Variants in LHX4 observed in about 807,000 individuals in gnomAD.
LHX4 encodes the protein LIM/homeobox protein Lhx4.
Under a neutral mutation model 39.2 loss-of-function variants are expected in LHX4, and 16 were observed. The observed-to-expected ratio is 0.41, with a 90% CI of 0.28 to 0.62. The LOEUF is 0.62. Among genes scored for constraint, LHX4 ranks in the 20% least tolerant of loss-of-function variants. The pLI is 0.33. For missense variants in LHX4, 439 were observed against 511.9 expected (o/e 0.86, Z 1.37); for synonymous variants, 206 against 198.1 (o/e 1.04, Z -0.33).
chr1:180,251,596 G>A (rs1647629985), intron 2 of LHX4, among the ~76,000 whole-genome samples: 1 of 152,214 alleles, frequency 6.6e-6, no homozygotes, highest in Admixed American at 6.5e-5. Flanking sequence ...ATAGGCCACT[G>A]CTGGGTTTGA....
chr1:180,244,721 G>A (rs1205292420), intron 1 of LHX4, among the ~76,000 whole-genome samples: 2 of 152,206 alleles, frequency 1.3e-5, no homozygotes, highest in Non-Finnish European at 2.9e-5. Context: ...TTGCCCAGGA[G>A]CCAAGGGAGG....
chr1:180,236,611 T>G (rs762200671), intron 1 of LHX4, among the ~76,000 whole-genome samples: 1 of 152,144 alleles, frequency 6.6e-6, no homozygotes, highest in Non-Finnish European at 1.5e-5. Context: ...ACGGGAATGG[T>G]GGGTATTTAG....
rs1647470972 is a variant in LHX4, at chr1:180,248,416, T to C, written c.208T>C (p.Ser70Pro). Residue 70 changes from serine (S) to proline (P), a missense_variant, in exon 2 of 6, where the codon TCC (serine) becomes CCC (proline). By Grantham distance (74) the Ser-to-Pro change is moderately conservative. Coordinates refer to ENST00000263726, the MANE Select transcript of LHX4 (RefSeq NM_033343.4). ...CQMQLADRCF[S>P]RAGSVYCKED... is the part of the protein sequence containing the mutation. Reference sequence around the variant, plus strand: ...GATGCAGCTGGCGGACAGGTGCTTCTCCAGGGCTGGGAGCGTCTACTGCAA... The same window carrying C: ...GATGCAGCTGGCGGACAGGTGCTTCCCCAGGGCTGGGAGCGTCTACTGCAA... The C allele has an allele frequency of 1.2e-6, 2 of 1,614,104 alleles. No individual in the cohort carries two copies. Among genetic ancestry groups the C allele is most frequent in the Non-Finnish European group, 1.7e-6 (2 of 1,180,052 alleles).
intron 2 of LHX4, among the ~76,000 whole-genome samples, chr1:180,254,092 T>C (rs886504607): frequency 2.2e-4 from 33 of 152,332 alleles, no homozygotes; most frequent in Middle Eastern, 3.4e-3. Flanking sequence ...CAATCCAGGC[T>C]TGTGGGGGCT....
chr1:180,248,567 G>C, intron 2 of LHX4, 111 bp downstream of exon 2: 1 of 1,154,682 alleles, frequency 8.7e-7, no homozygotes, highest in Non-Finnish European at 1.3e-6. Flanking sequence ...GTCCACTCTG[G>C]GAGGGGCAGG....
rs1648695234 is a variant in LHX4, at chr1:180,271,969, G to C, written c.741G>C (p.Glu247Asp). The change falls in exon 5 of 6, where the codon GAG becomes GAC. Residue 247 changes from glutamate (E) to aspartate (D), a missense_variant. Glu to Asp is a conservative substitution (Grantham distance 45). Transcript: ENST00000263726. ...SSKQEKESSA[E>D]DCGVSDSELS... ...AGCAGGAGAAGGAGAGCTCTGCAGAGGACTGTGGGGTTAGTGACAGTGAGC... is the reference window on the plus strand; with the variant it reads ...AGCAGGAGAAGGAGAGCTCTGCAGACGACTGTGGGGTTAGTGACAGTGAGC... 1 of 1,613,100 alleles carries C rather than the reference G, an allele frequency of 6.2e-7. No homozygotes were observed.
At chr1:180,248,007 C>G (rs2149256309) in intron 1 of LHX4, among the ~76,000 whole-genome samples, 1 of 152,294 alleles carries the variant, frequency 6.6e-6, no homozygotes, top group Non-Finnish European at 1.5e-5. Context: ...CCTTGTGGTG[C>G]CCTTAGAAAC....
At chr1:180,268,878 G>A (rs1027209218) in intron 3 of LHX4, among the ~76,000 whole-genome samples, 4 of 152,148 alleles carry the variant, frequency 2.6e-5, no homozygotes, top group East Asian at 3.8e-4. Flanking sequence ...GTCTTTTCAG[G>A]TTGTTTTAAT....
upstream of LHX4, among the ~76,000 whole-genome samples, chr1:180,229,666 GTCC>G (rs1460527461): frequency 6.6e-6 from 1 of 151,656 alleles, no homozygotes. Context: ...AGCGCGCTCC[GTCC>G]GGCGGAGCGA....
chr1:180,234,169 TTATATATATATATATA>T lies in LHX4; in HGVS notation c.76+3601_76+3616del, dbSNP rs777438399. 0.03 allele frequency among the ~76,000 whole-genome samples: 1,595 copies of T among 53,534 alleles called. 35 individuals carry two copies. The highest frequency in any genetic ancestry group is 0.041 in the East Asian group (72 of 1,762). 35.1% of individuals were successfully genotyped at this position (53,534 alleles called of 152,430 possible). On this transcript the variant is annotated intron_variant, in intron 1 of 5. Transcript: ENST00000263726. The surrounding 1 kb of genome is among the most constrained non-coding windows in gnomAD (Gnocchi z 4.8). ...AACAGACACACACAACACACACAAA[TTATATATATATATATA>T]TATATATATATATATATATATATAT...
chr1:180,242,453 G>A (rs143350116), intron 1 of LHX4, among the ~76,000 whole-genome samples: 3 of 152,158 alleles, frequency 2.0e-5, no homozygotes, highest in African/African-American at 7.2e-5. Context: ...TTATATGCAT[G>A]TCTATGTATA....
chr1:180,259,886 G>A (rs1455470077), intron 2 of LHX4, among the ~76,000 whole-genome samples: 1 of 151,614 alleles, frequency 6.6e-6, no homozygotes, highest in East Asian at 1.9e-4. Context: ...ATGGTGGGAG[G>A]GTTGGAAGTG....
At chr1:180,259,519 G>C (rs972311564) in intron 2 of LHX4, among the ~76,000 whole-genome samples, 9 of 151,838 alleles carry the variant, frequency 5.9e-5, no homozygotes, top group African/African-American at 2.2e-4. Context: ...AGGTGGGGAG[G>C]GTCCAAGCCG....
chr1:180,236,745 G>A (rs1664329545), intron 1 of LHX4, among the ~76,000 whole-genome samples: 1 of 152,124 alleles, frequency 6.6e-6, no homozygotes, highest in Admixed American at 6.5e-5. Context: ...AATTTTTCAG[G>A]AATAGAGCTG....
At chr1:180,229,262 A>G (rs1182456923), upstream of LHX4, among the ~76,000 whole-genome samples, 1 of 152,238 alleles carries the variant, frequency 6.6e-6, no homozygotes, top group Admixed American at 6.5e-5. Flanking sequence ...TGGCAGCCGG[A>G]GAGGCAGAGC....
chr1:180,239,583 G>GT (rs1326126370), intron 1 of LHX4, among the ~76,000 whole-genome samples: 9 of 152,202 alleles, frequency 5.9e-5, no homozygotes, highest in African/African-American at 1.9e-4. Flanking sequence ...CAGCAAAAAG[G>GT]TTTTGGGCAA....
rs1649119573 is a variant in LHX4, at chr1:180,277,723, T to C, written c.*3144T>C. On this transcript the variant is annotated 3_prime_UTR_variant, in exon 6 of 6. Transcript: ENST00000263726. ...CCTCTCAGTCTTTGTGCTTTCTCTT[T>C]CTTGTCTCATCTGACAGTTATGAAT... The C allele has an allele frequency of 6.6e-6, 1 of 152,172 alleles. No individual in the cohort carries two copies. Among genetic ancestry groups the C allele is most frequent in the African/African-American group, 2.4e-5 (1 of 41,432 alleles). The allele number at this position is 152,172 out of a possible 1,614,324, so 9.4% of individuals were successfully genotyped here.
intron 3 of LHX4, chr1:180,270,871 T>TAGATGTTGGTGGTTG: frequency 4.5e-6 from 1 of 220,974 alleles, no homozygotes; most frequent in South Asian, 6.9e-5. Context: ...CTGTTGGGTG[T>TAGATGTTGGTGGTTG]GCAAGCTCAC....
At chr1:180,244,176 G>A (rs1211390336) in intron 1 of LHX4, among the ~76,000 whole-genome samples, 2 of 152,216 alleles carry the variant, frequency 1.3e-5, no homozygotes, top group Admixed American at 1.3e-4. Context: ...GTATTACTGT[G>A]ATTGGTATAT....
Sources: allele counts gnomAD v4.1 joint callset (sites outside exome capture counted in the v4.1 genomes callset), GRCh38; gene constraint gnomAD v4.1.1; non-coding constraint Gnocchi (gnomAD v3.1); transcripts MANE v1.5; gene names NCBI Gene and HGNC (gene_info 2026-07-23, HGNC 2026-07-21).